Variants in ATRNL1 observed in about 807,000 individuals in gnomAD.
ATRNL1 encodes the protein attractin like 1.
Under a neutral mutation model 182.7 loss-of-function variants are expected in ATRNL1, and 95 were observed. The observed-to-expected ratio is 0.52, with a 90% confidence interval of 0.44 to 0.62. The LOEUF is 0.62. Ranked by LOEUF, ATRNL1 falls within the 20% of genes least tolerant of loss-of-function variation. ATRNL1 has a pLI of 0.00. For missense variants in ATRNL1, 1,471 were observed against 1,679.5 expected (o/e 0.88, Z 2.17); for synonymous variants, 576 against 568.3 (o/e 1.01, Z -0.19).
At chr10:115,107,197 A>T (rs1844049140) in intron 1 of ATRNL1, among the ~76,000 whole-genome samples, 1 of 152,162 alleles carries the variant, frequency 6.6e-6, no homozygotes, top group South Asian at 2.1e-4. Flanking sequence ...AATCAGATGT[A>T]GGTGAGACTC....
intron 27 of ATRNL1, among the ~76,000 whole-genome samples, chr10:115,746,982 T>C (rs933687440): frequency 3.9e-5 from 6 of 152,102 alleles, no homozygotes; most frequent in African/African-American, 1.4e-4. Context: ...ACTTTAATGT[T>C]GCACTCTTCA....
At chr10:115,721,483 T>C (rs1296974112) in intron 26 of ATRNL1, among the ~76,000 whole-genome samples, 1 of 152,126 alleles carries the variant, frequency 6.6e-6, no homozygotes, top group Admixed American at 6.5e-5. Flanking sequence ...TACAATTCCA[T>C]ATGGCTGGGG....
chr10:115,558,455 G>C (rs1853457657), intron 26 of ATRNL1, among the ~76,000 whole-genome samples: 1 of 152,188 alleles, frequency 6.6e-6, no homozygotes, highest in Non-Finnish European at 1.5e-5. Context: ...GATGGTCCCT[G>C]CTCGGCCTGT....
rs534069699 is a variant in ATRNL1 at position 115,487,254 on chromosome 10, G to GT, written c.3654+17934dup. 8.6e-3 allele frequency among the ~76,000 whole-genome samples: 1,304 copies of GT among 151,450 alleles called. 7 individuals are homozygous for GT. Among genetic ancestry groups the GT allele is most frequent in the Non-Finnish European group, 0.014 (934 of 67,778 alleles). ...TTAGTCCCATATGAAATTTAAAGTA[G>GT]TTTTTTTTTCCAGTTCTGTGAAGAA... On this transcript the variant is annotated intron_variant, in intron 24 of 28. Coordinates refer to ENST00000355044, the MANE Select transcript of ATRNL1 (RefSeq NM_207303.4).
chr10:115,838,829 T>G (rs1950739531), intron 27 of ATRNL1, among the ~76,000 whole-genome samples: 1 of 152,100 alleles, frequency 6.6e-6, no homozygotes, highest in African/African-American at 2.4e-5. Flanking sequence ...AAGTTTTAGC[T>G]CTTGTAGAGT....
At chr10:115,578,784 G>A (rs1048611314) in intron 26 of ATRNL1, among the ~76,000 whole-genome samples, 2 of 151,374 alleles carry the variant, frequency 1.3e-5, no homozygotes, top group Non-Finnish European at 3.0e-5. Flanking sequence ...GATTCAGTTT[G>A]TTCTTTTTCT....
Position 115,908,805 on chromosome 10 carries a change from C to A in ATRNL1, c.4019-35853C>A, listed in dbSNP as rs116593962. On this transcript the variant is annotated intron_variant, in intron 28 of 28. Transcript: ENST00000355044. ...CTGGTTCCCTAATGCACCTTACATTCTGCTTCTAAAGTTGCTGCTGCCTCT... is the reference window on the plus strand; with the variant it reads ...CTGGTTCCCTAATGCACCTTACATTATGCTTCTAAAGTTGCTGCTGCCTCT... Among the ~76,000 whole-genome samples the A allele has an allele frequency of 7.5e-3, 1,138 of 152,296 alleles. 13 individuals carry two copies. Among genetic ancestry groups the A allele is most frequent in the African/African-American group, 0.026 (1,083 of 41,558 alleles).
intron 20 of ATRNL1, among the ~76,000 whole-genome samples, chr10:115,418,024 G>A (rs1845479065): frequency 1.3e-5 from 2 of 152,146 alleles, no homozygotes; most frequent in Non-Finnish European, 2.9e-5. Context: ...ATGTCCATAA[G>A]CATCAAGATC....
At chr10:115,787,781 A>G (rs1326634224) in intron 27 of ATRNL1, among the ~76,000 whole-genome samples, 3 of 152,178 alleles carry the variant, frequency 2.0e-5, no homozygotes, top group African/African-American at 2.4e-5. Context: ...ACCTTTGCAC[A>G]TGTGATTAGG....
chr10:115,731,801 T>A (rs1330870608), intron 27 of ATRNL1, among the ~76,000 whole-genome samples: 1 of 151,582 alleles, frequency 6.6e-6, no homozygotes. Context: ...CCCACATTTT[T>A]CTTCAGCCCC....
chr10:115,919,967 ATTGT>A (rs1952999010), intron 28 of ATRNL1, among the ~76,000 whole-genome samples: 1 of 152,154 alleles, frequency 6.6e-6, no homozygotes. Flanking sequence ...ATATCATCAC[ATTGT>A]GGGCTAAGAT....
At position 115,945,782 on chromosome 10, in the gene ATRNL1, C is replaced by T. The variant is rs1390853552; in HGVS notation, c.*1003C>T. 7 of 152,124 alleles carry T rather than the reference C, an allele frequency of 4.6e-5. No homozygotes were observed. The highest frequency in any genetic ancestry group is 8.8e-5 in the Non-Finnish European group (6 of 68,042). 9.4% of individuals were successfully genotyped at this position (152,124 alleles called of 1,614,324 possible). ...GACATCTCTCAAGATGACCTGAGTT[C>T]CTTCCTGCCAACTGTTCCACCTAGA... On this transcript the variant is annotated 3_prime_UTR_variant, in exon 29 of 29. Transcript: ENST00000355044.
intron 25 of ATRNL1, among the ~76,000 whole-genome samples, chr10:115,530,918 G>T (rs1159314416): frequency 6.6e-6 from 1 of 151,602 alleles, no homozygotes; most frequent in Non-Finnish European, 1.5e-5. Context: ...TGAGAATGAT[G>T]ATTTCCAATT....
At chr10:115,257,575 TG>T (rs1455530630) in intron 10 of ATRNL1, among the ~76,000 whole-genome samples, 2 of 152,148 alleles carry the variant, frequency 1.3e-5, no homozygotes, top group African/African-American at 4.8e-5. Context: ...ATCTTGACTT[TG>T]TCTTTTAATT....
chr10:115,691,206 T>C (rs1198930282), intron 26 of ATRNL1, among the ~76,000 whole-genome samples: 1 of 152,174 alleles, frequency 6.6e-6, no homozygotes, highest in Non-Finnish European at 1.5e-5. Context: ...CATAGTGTTT[T>C]CCATCGTGCC....
At chr10:115,912,643 A>C (rs1952718436) in intron 28 of ATRNL1, among the ~76,000 whole-genome samples, 1 of 152,156 alleles carries the variant, frequency 6.6e-6, no homozygotes, top group South Asian at 2.1e-4. Flanking sequence ...GCTCAACACA[A>C]CATGATTTAT....
intron 24 of ATRNL1, among the ~76,000 whole-genome samples, chr10:115,492,671 T>A (rs1247171002): frequency 1.7e-5 from 2 of 120,588 alleles, no homozygotes; most frequent in African/African-American, 6.8e-5. Context: ...TGAGATGGGG[T>A]CTCACTCTGT....
chr10:115,714,957 T>A (rs570062800), intron 26 of ATRNL1, among the ~76,000 whole-genome samples: 8 of 152,232 alleles, frequency 5.3e-5, no homozygotes, highest in African/African-American at 9.6e-5. Context: ...CATAAGCCAA[T>A]ACATTCAAGA....
chr10:115,274,241 G>A (rs547639752), intron 13 of ATRNL1, among the ~76,000 whole-genome samples: 1 of 152,274 alleles, frequency 6.6e-6, no homozygotes, highest in South Asian at 2.1e-4. Flanking sequence ...ACCTGTTGCA[G>A]AGCCCTCTCT....
Sources: allele counts gnomAD v4.1 joint callset (sites outside exome capture counted in the v4.1 genomes callset), GRCh38; gene constraint gnomAD v4.1.1; transcripts MANE v1.5; gene names NCBI Gene and HGNC (gene_info 2026-07-23, HGNC 2026-07-21).